EIPR1: variants seen among roughly 807,000 people sequenced by gnomAD.
The protein encoded by EIPR1 is EARP complex and GARP complex interacting protein 1, also known as EARP and GARP complex-interacting protein 1.
Under a neutral mutation model 48.1 loss-of-function variants are expected in EIPR1, and 25 were observed. The observed-to-expected ratio is 0.52, with a 90% CI of 0.38 to 0.73. EIPR1 has a LOEUF of 0.73. Among genes scored for constraint, EIPR1 ranks in the 30% least tolerant of loss-of-function variants. The probability of loss-of-function intolerance (pLI) is 0.00; values close to 1 mark genes in which losing one functional copy is unlikely to be tolerated. For synonymous variants in EIPR1, 204 were observed against 201.9 expected (o/e 1.01, Z -0.09); for missense variants, 415 against 506.2 (o/e 0.82, Z 1.73).
At chr2:3,364,033 G>A (rs1475967608) in intron 1 of EIPR1, among the ~76,000 whole-genome samples, 1 of 152,192 alleles carries the variant, frequency 6.6e-6, no homozygotes, top group Non-Finnish European at 1.5e-5. Flanking sequence ...CAAGGATGTA[G>A]AGAGAGGGAG....
chr2:3,373,494 A>C (rs1157714158), intron 1 of EIPR1, among the ~76,000 whole-genome samples: 16 of 151,644 alleles, frequency 1.1e-4, no homozygotes, highest in African/African-American at 3.4e-4. Flanking sequence ...GTCTCAGCCC[A>C]AAATCTCCTT....
At chr2:3,208,371 T>TAGGG in intron 5 of EIPR1, 2 of 1,272,606 alleles carry the variant, frequency 1.6e-6, no homozygotes, top group Non-Finnish European at 2.1e-6. Flanking sequence ...GACTCATTTA[T>TAGGG]AGGGCATCAG....
chr2:3,321,496 C>T (rs866570629), intron 3 of EIPR1, among the ~76,000 whole-genome samples: 2 of 152,144 alleles, frequency 1.3e-5, no homozygotes, highest in African/African-American at 4.8e-5. Context: ...AAAGGGCTCT[C>T]GGTCATTTTC....
chr2:3,317,932 C>T (rs1669362485), intron 3 of EIPR1, among the ~76,000 whole-genome samples: 2 of 152,256 alleles, frequency 1.3e-5, no homozygotes, highest in Admixed American at 1.3e-4. Context: ...CTTCTGTTGC[C>T]TGGGCCACCC....
At chr2:3,218,177 C>A (rs544965235) in intron 4 of EIPR1, among the ~76,000 whole-genome samples, 19 of 151,290 alleles carry the variant, frequency 1.3e-4, no homozygotes, top group Admixed American at 8.6e-4. Context: ...GGTGGACACC[C>A]AACACGGCCC....
At chr2:3,281,804 T>C (rs1668018374) in intron 3 of EIPR1, among the ~76,000 whole-genome samples, 1 of 152,256 alleles carries the variant, frequency 6.6e-6, no homozygotes. Flanking sequence ...TTCCATATCT[T>C]TTCAAATGTA....
chr2:3,204,033 C>T (rs781241781), intron 5 of EIPR1, among the ~76,000 whole-genome samples: 1 of 152,236 alleles, frequency 6.6e-6, no homozygotes, highest in Non-Finnish European at 1.5e-5. Context: ...ACACGTGGGC[C>T]GTGCTGAGCA....
At chr2:3,270,059 A>G (rs1203940552) in intron 3 of EIPR1, among the ~76,000 whole-genome samples, 1 of 152,226 alleles carries the variant, frequency 6.6e-6, no homozygotes, top group African/African-American at 2.4e-5. Flanking sequence ...TGAGCAGGAC[A>G]CTTGGCTGTC....
At chr2:3,243,188 G>A (rs548281611) in intron 4 of EIPR1, among the ~76,000 whole-genome samples, 81 of 152,310 alleles carry the variant, frequency 5.3e-4, no homozygotes, top group African/African-American at 1.9e-3. Context: ...AAAGCAAAAG[G>A]AAGATACGGG....
chr2:3,303,758 C>T (rs1029599614), intron 3 of EIPR1, among the ~76,000 whole-genome samples: 1 of 152,172 alleles, frequency 6.6e-6, no homozygotes, highest in African/African-American at 2.4e-5. Flanking sequence ...TGATACGGTG[C>T]GGCCTCTGCG....
At chr2:3,334,400 T>C (rs765226793) in intron 3 of EIPR1, among the ~76,000 whole-genome samples, 4 of 152,250 alleles carry the variant, frequency 2.6e-5, no homozygotes, top group African/African-American at 7.2e-5. Flanking sequence ...GGGCAAAAAC[T>C]ACAGAGCACA....
intron 1 of EIPR1, among the ~76,000 whole-genome samples, chr2:3,367,219 G>A (rs1430707545): frequency 6.6e-6 from 1 of 152,090 alleles, no homozygotes. Context: ...AAATCCACGA[G>A]GGCTGGGATT....
intron 3 of EIPR1, among the ~76,000 whole-genome samples, chr2:3,296,027 C>T (rs1668572056): frequency 7.9e-6 from 1 of 127,284 alleles, no homozygotes. Flanking sequence ...CCATCCAGCC[C>T]ATCCTCTCTA....
chr2:3,369,900 C>A (rs112667542), intron 1 of EIPR1, among the ~76,000 whole-genome samples: 24,388 of 151,930 alleles, frequency 0.16, 2,149 homozygotes, highest in Non-Finnish European at 0.2. Context: ...TCCCAGCACG[C>A]AGCTGGAGAT....
At chr2:3,255,615 G>A (rs926527703) in intron 4 of EIPR1, among the ~76,000 whole-genome samples, 3 of 152,238 alleles carry the variant, frequency 2.0e-5, no homozygotes, top group African/African-American at 7.2e-5. Flanking sequence ...GGGAAGTTGA[G>A]AAGCAGTCTG....
At chr2:3,252,036 G>A (rs1667014747) in intron 4 of EIPR1, among the ~76,000 whole-genome samples, 1 of 152,210 alleles carries the variant, frequency 6.6e-6, no homozygotes, top group Non-Finnish European at 1.5e-5. Flanking sequence ...GGATTTGCAT[G>A]AGTGAGGTAA....
At chr2:3,304,924 T>A (rs1208992804) in intron 3 of EIPR1, among the ~76,000 whole-genome samples, 1 of 145,430 alleles carries the variant, frequency 6.9e-6, no homozygotes, top group African/African-American at 2.6e-5. Flanking sequence ...AGTTCAACCC[T>A]CCAGTCCCGT....
intron 5 of EIPR1, among the ~76,000 whole-genome samples, chr2:3,206,561 A>C (rs1445093589): frequency 6.6e-6 from 1 of 152,228 alleles, no homozygotes; most frequent in Non-Finnish European, 1.5e-5. Flanking sequence ...ACTTATTTTT[A>C]GTTTATTTCT....
chr2:3,194,497 C>T (rs1664729753), intron 6 of EIPR1: 1 of 200,382 alleles, frequency 5.0e-6, no homozygotes, highest in Non-Finnish European at 1.0e-5. Flanking sequence ...CTGCAACAGC[C>T]ATGGGGACAC....
Sources: allele counts gnomAD v4.1 joint callset (sites outside exome capture counted in the v4.1 genomes callset), GRCh38; gene constraint gnomAD v4.1.1; transcripts MANE v1.5; gene names NCBI Gene and HGNC (gene_info 2026-07-23, HGNC 2026-07-21).